Variants in APPBP2 observed in about 807,000 individuals in gnomAD.
APPBP2 encodes the protein amyloid protein-binding protein 2.
A neutral mutation model predicts 76.0 loss-of-function variants in APPBP2; 15 were observed. The observed-to-expected ratio is 0.20, with a 90% CI of 0.13 to 0.30. The LOEUF is 0.30. Ranked by LOEUF, APPBP2 falls within the 10% of genes least tolerant of loss-of-function variation. The pLI is 1.00. For synonymous variants in APPBP2, 222 were observed against 242.2 expected (o/e 0.92, Z 0.77); for missense variants, 401 against 687.2 (o/e 0.58, Z 4.66).
chr17:60,474,878 T>C (rs1287575790), intron 4 of APPBP2, among the ~76,000 whole-genome samples: 1 of 152,158 alleles, frequency 6.6e-6, no homozygotes, highest in African/African-American at 2.4e-5. Context: ...TTCCCCTACC[T>C]TGGGATTTGT....
chr17:60,485,501 T>TA (rs1423274588), intron 3 of APPBP2, among the ~76,000 whole-genome samples: 1 of 152,358 alleles, frequency 6.6e-6, no homozygotes, highest in African/African-American at 2.4e-5. Context: ...GAGGTATTTA[T>TA]AGTATTCTCT....
chr17:60,520,570 T>TAAA (rs781626784), intron 1 of APPBP2, among the ~76,000 whole-genome samples: 1 of 99,862 alleles, frequency 1.0e-5, no homozygotes, highest in Non-Finnish European at 1.8e-5. Flanking sequence ...AAGACTCTGT[T>TAAA]AAAAAAAAAA....
At chr17:60,512,079 CCTT>C (rs1167831170) in intron 1 of APPBP2, among the ~76,000 whole-genome samples, 4 of 151,608 alleles carry the variant, frequency 2.6e-5, no homozygotes, top group East Asian at 1.9e-4. Context: ...TGGTCTCACT[CCTT>C]GAGGTGTTTT....
chr17:60,500,012 CTTTTT>C (rs563111313), intron 2 of APPBP2, among the ~76,000 whole-genome samples: 3 of 138,008 alleles, frequency 2.2e-5, no homozygotes, highest in Admixed American at 7.3e-5. Flanking sequence ...TGTGAATATA[CTTTTT>C]TTTTTTTTTT....
At chr17:60,455,505 C>T (rs1288808895) in intron 10 of APPBP2, among the ~76,000 whole-genome samples, 1 of 152,030 alleles carries the variant, frequency 6.6e-6, no homozygotes, top group Non-Finnish European at 1.5e-5. Context: ...AAAATAAATG[C>T]ATTACGTGAA....
intron 1 of APPBP2, 59 bp from the exon 2 acceptor site, chr17:60,500,546 A>C: frequency 8.7e-7 from 1 of 1,155,924 alleles, no homozygotes; most frequent in Non-Finnish European, 1.3e-6. Context: ...TTTTACTTTA[A>C]TCATATTTGA....
chr17:60,508,535 T>C (rs2090887473), intron 1 of APPBP2, among the ~76,000 whole-genome samples: 1 of 152,194 alleles, frequency 6.6e-6, no homozygotes, highest in South Asian at 2.1e-4. Context: ...TACCTCTGAA[T>C]GGTTTCAAGC....
Position 60,500,427 on chromosome 17 carries a change from C to A in APPBP2, c.199G>T (p.Ala67Ser). ...TTATCCAAAGCTCTCAGTACTTTAG[C>A]AAAAACTTCCAATTCACAAAATTCA... Reference protein sequence around the residue: ...GSEFCELEVFAKVLRALDKRH... With the variant: ...GSEFCELEVFSKVLRALDKRH... The change falls in exon 2 of 13, where the codon GCT (alanine) becomes TCT (serine). Residue 67 changes from alanine (A) to serine (S), a missense_variant. This residue lies in a region of APPBP2 where 149 missense variants were observed against 198.4 expected (regional missense o/e 0.75). Coordinates refer to ENST00000083182, the MANE Select transcript of APPBP2 (RefSeq NM_006380.5). The A allele has an allele frequency of 6.2e-7, 1 of 1,610,454 alleles. No homozygotes were observed. Among genetic ancestry groups the A allele is most frequent in the Non-Finnish European group, 8.5e-7 (1 of 1,178,346 alleles).
At position 60,447,854 on chromosome 17, in the gene APPBP2, G is replaced by GAAAAAA; in HGVS notation, c.1505-21_1505-20insTTTTTT. 1 of 1,488,434 alleles carries GAAAAAA rather than the reference G, an allele frequency of 6.7e-7. No homozygotes were observed. The highest frequency in any genetic ancestry group is 1.4e-5 in the South Asian group (1 of 71,608). 92.2% of individuals were successfully genotyped at this position (1,488,434 alleles called of 1,614,324 possible). ...TCTTCCCTGTAACAAAAAAGAAAAA[G>GAAAAAA]GAAAAAAAAAAAAGCACAAATAATG... On this transcript the variant is annotated intron_variant, in intron 12 of 12. Transcript: ENST00000083182.
In APPBP2 at chr17:60,494,511, C is replaced by T. The variant is rs2090757499; in HGVS notation, c.334G>A (p.Asp112Asn). The T allele has an allele frequency of 3.1e-6, 5 of 1,611,802 alleles. No homozygotes were observed. The South Asian group carries it at 3.3e-5, about 11-fold the overall frequency. ...SRRCSYIAES[D>N]AAVKEKAIQV... ...ATGGCTTTTTCCTTTACTGCAGCATCTGATTCTGCTATATAAGAGCACCGC... is the reference window on the plus strand; with the variant it reads ...ATGGCTTTTTCCTTTACTGCAGCATTTGATTCTGCTATATAAGAGCACCGC... Residue 112 changes from aspartate to asparagine, a missense_variant, in exon 3 of 13, where the codon GAT becomes AAT. By Grantham distance (23) the Asp-to-Asn change is conservative (BLOSUM62 1). Transcript: ENST00000083182.
intron 2 of APPBP2, among the ~76,000 whole-genome samples, chr17:60,499,454 C>T (rs1259782691): frequency 7.1e-6 from 1 of 139,906 alleles, no homozygotes; most frequent in Admixed American, 7.1e-5. Flanking sequence ...AACGAGGATC[C>T]CTTGAGCCCA....
intron 12 of APPBP2, among the ~76,000 whole-genome samples, chr17:60,451,297 ACTACTTTTGC>A (rs1363899152): frequency 2.6e-5 from 4 of 152,160 alleles, no homozygotes; most frequent in Admixed American, 6.5e-5. Context: ...GTTTAAAATA[ACTACTTTTGC>A]CTACACATGA....
At position 60,500,494 on chromosome 17, in the gene APPBP2, T is replaced by TA; in HGVS notation, c.139-8dup. The TA allele has an allele frequency of 2.5e-6, 4 of 1,586,126 alleles. No homozygotes were observed. In the East Asian group the frequency reaches 6.7e-5, roughly 27 times the overall value. On this transcript the variant is annotated splice_polypyrimidine_tract_variant and splice_region_variant and intron_variant, in intron 1 of 12. Transcript: ENST00000083182. ...AGCGTCCCTGTTGGTAAAGCTGAAATAAAAAACAAATGATTTAAAAATTTT... is the reference window on the plus strand; with the variant it reads ...AGCGTCCCTGTTGGTAAAGCTGAAATAAAAAAACAAATGATTTAAAAATTTT...
At chr17:60,492,124 C>T (rs2090734870) in intron 3 of APPBP2, among the ~76,000 whole-genome samples, 2 of 152,188 alleles carry the variant, frequency 1.3e-5, no homozygotes, top group Admixed American at 1.3e-4. Flanking sequence ...GGGCAAGTCC[C>T]AAGCCTTAGC....
intron 11 of APPBP2, 61 bp from the exon 12 acceptor site, chr17:60,452,106 C>A: frequency 2.6e-6 from 4 of 1,525,580 alleles, no homozygotes; most frequent in Non-Finnish European, 3.6e-6. Context: ...AGTTCTTACT[C>A]AATGAGCAAA....
intron 10 of APPBP2, among the ~76,000 whole-genome samples, 195 bp from the exon 11 acceptor site, chr17:60,454,687 C>G (rs1471798712): frequency 3.9e-5 from 6 of 152,044 alleles, no homozygotes; most frequent in African/African-American, 1.2e-4. Context: ...CTATTTTGCA[C>G]AGTATATATA....
chr17:60,487,058 G>C (rs1365013725), intron 3 of APPBP2, among the ~76,000 whole-genome samples: 3 of 152,190 alleles, frequency 2.0e-5, no homozygotes, highest in African/African-American at 7.2e-5. Context: ...TCTGCTGAGA[G>C]ATCCACGGTT....
At chr17:60,456,973 TA>T (rs1411753638) in intron 9 of APPBP2, among the ~76,000 whole-genome samples, 1 of 151,668 alleles carries the variant, frequency 6.6e-6, no homozygotes. Context: ...CCATCTCTAC[TA>T]AAAAAATACG....
At chr17:60,497,958 G>A (rs899754554) in intron 2 of APPBP2, among the ~76,000 whole-genome samples, 5 of 151,982 alleles carry the variant, frequency 3.3e-5, no homozygotes, top group African/African-American at 1.2e-4. Context: ...GGGCAACATG[G>A]CGAAACCCCA....
Sources: gnomAD v4.1 joint callset for allele counts (sites outside exome capture counted in the v4.1 genomes callset) on GRCh38, gnomAD v4.1.1 for gene constraint, gnomAD v4.1.1 regional missense constraint, MANE v1.5 for transcripts, NCBI Gene and HGNC (gene_info 2026-07-23, HGNC 2026-07-21) for gene names.